XIRP2: variants seen among roughly 807,000 people sequenced by gnomAD.
The protein encoded by XIRP2 is xin actin binding repeat containing 2, also known as xin actin-binding repeat-containing protein 2.
Under a neutral mutation model 277.0 loss-of-function variants are expected in XIRP2, and 236 were observed. The ratio of observed to expected loss-of-function variants is 0.85; its 90% confidence interval spans 0.77 to 0.95. XIRP2 has a LOEUF of 0.95. Among genes scored for constraint, XIRP2 ranks in the 40% least tolerant of loss-of-function variants. The probability of loss-of-function intolerance (pLI) is 0.00; values close to 1 mark genes in which losing one functional copy is unlikely to be tolerated. For missense variants in XIRP2, 4,640 were observed against 4,157.5 expected, an observed-to-expected ratio of 1.12 and a Z score of -3.19; for synonymous variants, 1,490 against 1,416.5, an observed-to-expected ratio of 1.05 and a Z score of -1.17.
At chr2:166,973,617 A>T (rs1402906588) in intron 2 of XIRP2, among the ~76,000 whole-genome samples, 1 of 152,154 alleles carries the variant, frequency 6.6e-6, no homozygotes, top group Non-Finnish European at 1.5e-5. Context: ...GTGTGTTTCA[A>T]CAACCAGTAA....
At position 167,259,043 on chromosome 2, in the gene XIRP2, T is replaced by G. The variant is rs770558429; in HGVS notation, c.*1226T>G. ...AGGAAGCCATTCAAAGAGCAAAAAT[T>G]TACACTTTTTCTTTTCTAACACCGT... is the stretch of plus-strand genomic sequence containing the variant. On this transcript the variant is annotated 3_prime_UTR_variant, in exon 11 of 11. Transcript: ENST00000409195. The G allele has an allele frequency of 9.9e-6, 16 of 1,610,184 alleles. No individual in the cohort carries two copies. The highest frequency in any genetic ancestry group is 9.4e-5 in the African/African-American group (7 of 74,786).
intron 2 of XIRP2, among the ~76,000 whole-genome samples, chr2:166,943,521 A>G (rs934685855): frequency 5.3e-5 from 8 of 152,150 alleles, no homozygotes; most frequent in African/African-American, 1.9e-4. Flanking sequence ...CTTCATATAC[A>G]TTTTACTTCA....
chr2:167,029,478 C>G lies in XIRP2; in HGVS notation c.409-106431C>G, dbSNP rs540021613. Among the ~76,000 whole-genome samples, 7 of 152,060 alleles carry G rather than the reference C, an allele frequency of 4.6e-5. No individual in the cohort carries two copies. The South Asian group carries it at 1.5e-3, about 32-fold the overall frequency. On this transcript the variant is annotated intron_variant, in intron 2 of 10. Transcript: ENST00000409195. The stretch of plus-strand genomic sequence containing the variant: ...TTGAGATAGAGCATGTGGTTTTTGC[C>G]ATTGGTTCTGTTTATGTGATGGAAT...
At chr2:166,898,884 C>G (rs2105332273) in intron 1 of XIRP2, among the ~76,000 whole-genome samples, 1 of 152,208 alleles carries the variant, frequency 6.6e-6, no homozygotes, top group South Asian at 2.1e-4. Context: ...TCGTATGTGA[C>G]CTTTTGAGAT....
chr2:167,034,977 G>A (rs981663025), intron 2 of XIRP2, among the ~76,000 whole-genome samples: 3 of 152,234 alleles, frequency 2.0e-5, no homozygotes, highest in South Asian at 4.2e-4. Context: ...CATGAGATCC[G>A]ATGGGTTTAT....
chr2:167,096,036 G>A (rs1690305908), intron 2 of XIRP2, among the ~76,000 whole-genome samples: 1 of 151,090 alleles, frequency 6.6e-6, no homozygotes, highest in African/African-American at 2.4e-5. Flanking sequence ...ACCACACCCA[G>A]CTAATTTTTT....
intron 2 of XIRP2, among the ~76,000 whole-genome samples, chr2:167,080,758 G>T (rs1235483448): frequency 6.6e-6 from 1 of 152,112 alleles, no homozygotes; most frequent in Non-Finnish European, 1.5e-5. Flanking sequence ...CCAATGGAAC[G>T]TTTCCCTATA....
intron 2 of XIRP2, among the ~76,000 whole-genome samples, chr2:166,931,766 A>G (rs1364258454): frequency 6.6e-6 from 1 of 152,166 alleles, no homozygotes; most frequent in African/African-American, 2.4e-5. Context: ...TTTTGTGGAC[A>G]TATGCATTAT....
At chr2:167,174,107 A>G (rs1383745378) in intron 3 of XIRP2, among the ~76,000 whole-genome samples, 1 of 152,184 alleles carries the variant, frequency 6.6e-6, no homozygotes, top group Admixed American at 6.5e-5. Flanking sequence ...AGGTTTCAGT[A>G]TCAAGATGAT....
At chr2:167,119,724 GCA>G (rs1273085806) in intron 2 of XIRP2, among the ~76,000 whole-genome samples, 1 of 152,192 alleles carries the variant, frequency 6.6e-6, no homozygotes, top group East Asian at 1.9e-4. Flanking sequence ...ACAATTCAAA[GCA>G]CACAGTTTCA....
intron 1 of XIRP2, among the ~76,000 whole-genome samples, chr2:166,889,160 T>G (rs1000095248): frequency 3.3e-5 from 5 of 152,174 alleles, no homozygotes; most frequent in African/African-American, 1.2e-4. Flanking sequence ...TAACATGTGA[T>G]CTAGCAGACA....
At chr2:166,953,442 G>T (rs1030693271) in intron 2 of XIRP2, among the ~76,000 whole-genome samples, 3 of 151,940 alleles carry the variant, frequency 2.0e-5, no homozygotes, top group African/African-American at 7.2e-5. Flanking sequence ...TCATCCCTTT[G>T]CTCCTCCTCT....
chr2:167,193,703 C>T (rs1256337289), intron 3 of XIRP2, among the ~76,000 whole-genome samples: 1 of 151,906 alleles, frequency 6.6e-6, no homozygotes, highest in Non-Finnish European at 1.5e-5. Context: ...CATGGGGAAA[C>T]CCCATCTCTA....
chr2:166,962,420 C>G (rs1451758059), intron 2 of XIRP2, among the ~76,000 whole-genome samples: 1 of 151,576 alleles, frequency 6.6e-6, no homozygotes, highest in African/African-American at 2.4e-5. Context: ...ATTGGATACA[C>G]TAAAGACAAA....
At chr2:167,032,297 A>G (rs1244867809) in intron 2 of XIRP2, among the ~76,000 whole-genome samples, 1 of 151,480 alleles carries the variant, frequency 6.6e-6, no homozygotes, top group Non-Finnish European at 1.5e-5. Context: ...TTACACAAAA[A>G]TTAAGGTGGA....
At chr2:167,030,698 T>A (rs1688319573) in intron 2 of XIRP2, among the ~76,000 whole-genome samples, 1 of 152,168 alleles carries the variant, frequency 6.6e-6, no homozygotes, top group Non-Finnish European at 1.5e-5. Context: ...TGATTTCGGG[T>A]AAAGAGTTCT....
chr2:167,207,067 C>T (rs1420903080), intron 3 of XIRP2, among the ~76,000 whole-genome samples: 1 of 151,970 alleles, frequency 6.6e-6, no homozygotes, highest in Non-Finnish European at 1.5e-5. Flanking sequence ...CCTTTATTTC[C>T]AAATTGTAAC....
chr2:166,966,218 A>G (rs1166082349), intron 2 of XIRP2, among the ~76,000 whole-genome samples: 1 of 151,800 alleles, frequency 6.6e-6, no homozygotes, highest in African/African-American at 2.4e-5. Context: ...TAAAAACTTA[A>G]TTTGCATTCT....
intron 2 of XIRP2, among the ~76,000 whole-genome samples, chr2:167,124,992 G>A (rs568002078): frequency 6.6e-6 from 1 of 152,218 alleles, no homozygotes; most frequent in South Asian, 2.1e-4. Context: ...AAAGTCACTG[G>A]GAAACCAGGA....
Sources: gnomAD v4.1 joint callset for allele counts (sites outside exome capture counted in the v4.1 genomes callset) on GRCh38, gnomAD v4.1.1 for gene constraint, MANE v1.5 for transcripts, NCBI Gene and HGNC (gene_info 2026-07-23, HGNC 2026-07-21) for gene names.